The following ADAMTSL5 variants were observed in gnomAD, a reference collection of about 807,000 sequenced individuals.
The protein encoded by ADAMTSL5 is ADAMTS like 5.
In ADAMTSL5, 53 loss-of-function variants were observed where a neutral mutation model predicts 51.7. The ratio of observed to expected loss-of-function variants is 1.03; its 90% CI spans 0.82 to 1.29. The LOEUF (loss-of-function observed/expected upper bound fraction) is 1.29. ADAMTSL5 is among the 50% of genes most tolerant of loss of function. The pLI is 0.00. For missense variants in ADAMTSL5, 770 were observed against 676.2 expected, an observed-to-expected ratio of 1.14 and a Z score of -1.54; for synonymous variants, 285 against 278.7, an observed-to-expected ratio of 1.02 and a Z score of -0.23.
rs539140569 is a variant in ADAMTSL5 at position 1,506,447 on chromosome 19, C to T, written c.1115-131G>A. 78 of 1,448,384 alleles carry T rather than the reference C, an allele frequency of 5.4e-5. No individual in the cohort carries two copies. The African/African-American group carries it at 8.1e-4, about 15-fold the overall frequency. 89.7% of individuals were successfully genotyped at this position (1,448,384 alleles called of 1,614,324 possible). A position where few individuals can be genotyped will look rare whatever the true frequency, so the allele number is the denominator to read the frequency against. On this transcript the variant is annotated intron_variant, in intron 11 of 11. Transcript: ENST00000330475. The surrounding 1 kb of genome is among the most constrained non-coding windows in gnomAD (Gnocchi z 5.6). ...TCTATAGGGACTAGAGTCAGGATCACGTCAGGGATCAATGAGGGATTAGGG... is the reference window on the plus strand; with the variant it reads ...TCTATAGGGACTAGAGTCAGGATCATGTCAGGGATCAATGAGGGATTAGGG...
At chr19:1,509,091 TACA>T (rs1913116071) in intron 5 of ADAMTSL5, 1 of 151,262 alleles carries the variant, frequency 6.6e-6, no homozygotes, top group South Asian at 2.1e-4. Flanking sequence ...CTACCAAAAA[TACA>T]ACAATAAAAA....
At chr19:1,509,678 GGGAA>G (rs1361659374) in intron 5 of ADAMTSL5, among the ~76,000 whole-genome samples, 1 of 151,686 alleles carries the variant, frequency 6.6e-6, no homozygotes, top group African/African-American at 2.4e-5. Context: ...AGGGAAGGAA[GGGAA>G]GGAAGAAAGG....
chr19:1,510,021 T>A, intron 5 of ADAMTSL5, 129 bp downstream of exon 5: 1 of 726,438 alleles, frequency 1.4e-6, no homozygotes. Context: ...TTTCACTAAC[T>A]CCTACATATC....
Position 1,505,373 on chromosome 19 carries a change from A to AC in ADAMTSL5, c.*641_*642insG. ...ACAGAGCAAGGGTCTACCTCAGAAA[A>AC]AAAAAAAAAGGAGGAGCAAGCACGT... On this transcript the variant is annotated 3_prime_UTR_variant, in exon 12 of 12. Coordinates refer to ENST00000330475, the MANE Select transcript of ADAMTSL5 (RefSeq NM_213604.3). The AC allele has an allele frequency of 6.6e-6, 1 of 151,818 alleles. No individual in the cohort carries two copies. Among genetic ancestry groups the AC allele is most frequent in the East Asian group, 1.9e-4 (1 of 5,156 alleles). The allele number at this position is 151,818 out of a possible 1,614,324, so 9.4% of individuals were successfully genotyped here. A position where few individuals can be genotyped will look rare whatever the true frequency, so the allele number is the denominator to read the frequency against.
intron 1 of ADAMTSL5, among the ~76,000 whole-genome samples, chr19:1,512,361 A>T (rs1240722819): frequency 6.6e-6 from 1 of 152,172 alleles, no homozygotes; most frequent in Non-Finnish European, 1.5e-5. Context: ...AGGAAGCAGG[A>T]AGAAGTCTGC....
rs1599289764 is a variant in ADAMTSL5 at position 1,510,493 on chromosome 19, T to C, written c.192-65A>G. 3 of 1,528,536 alleles carry C rather than the reference T, an allele frequency of 2.0e-6. No homozygotes were observed. In the Admixed American group the frequency reaches 5.9e-5, roughly 30 times the overall value. The allele number at this position is 1,528,536 out of a possible 1,614,324, so 94.7% of individuals were successfully genotyped here. On this transcript the variant is annotated intron_variant, in intron 3 of 11. Transcript: ENST00000330475. ...CCCTCCCAGGGCTGGCCTTCCACCC[T>C]CCGCCCCCGCCAACCCCACCCGCAT...
chr19:1,507,998 C>T lies in ADAMTSL5; in HGVS notation c.601G>A (p.Gly201Ser), dbSNP rs746183656. The change falls in exon 7 of 12, where the codon GGT becomes AGT. Residue 201 changes from glycine (G) to serine (S), a missense_variant and splice_region_variant. Gly to Ser is a moderately conservative substitution (Grantham distance 56). Transcript: ENST00000330475. The stretch of plus-strand genomic sequence containing the variant: ...CAGGGAGGGCGGGGCAGGTAGTCAC[C>T]GGCGTCACGAAACACGCGCTGCACG... ...LFVQRVFRDA[G>S]AFAGYWNVTL... The T allele has an allele frequency of 1.4e-5, 23 of 1,590,718 alleles. No homozygotes were observed. The highest frequency in any genetic ancestry group is 8.6e-7 in the Non-Finnish European group (1 of 1,169,422).
chr19:1,506,174 C>A lies in ADAMTSL5; in HGVS notation c.1257G>T (p.Met419Ile). ...VWAPGHCPCP[M>I]LAPHRDYLMA... ...TCAGGTAGTCCCGGTGGGGTGCCAG[C>A]ATCGGGCAGGGGCAGTGGCCTGGCG... Residue 419 changes from methionine (M) to isoleucine (I), a missense_variant, in exon 12 of 12, where the codon ATG (methionine) becomes ATT (isoleucine). Coordinates refer to ENST00000330475, the MANE Select transcript of ADAMTSL5 (RefSeq NM_213604.3). This position sits in a 1 kb window ranked among gnomAD's most constrained non-coding sequence, Gnocchi z 5.6. The A allele has an allele frequency of 6.2e-7, 1 of 1,609,258 alleles. No individual in the cohort carries two copies. The highest frequency in any genetic ancestry group is 8.5e-7 in the Non-Finnish European group (1 of 1,177,672).
rs1254482520 is a variant in ADAMTSL5, at chr19:1,505,750, T to C, written c.*265A>G. Reference sequence around the variant, plus strand: ...TAAACTTTCTGAGTATAAATAGCTATGAGCTTCCTGGCAGCCAAGGAGAGA... The same window carrying C: ...TAAACTTTCTGAGTATAAATAGCTACGAGCTTCCTGGCAGCCAAGGAGAGA... On this transcript the variant is annotated 3_prime_UTR_variant, in exon 12 of 12. Coordinates refer to ENST00000330475, the MANE Select transcript of ADAMTSL5 (RefSeq NM_213604.3). 2.3e-6 allele frequency: 1 copy of C among 435,456 alleles called. No homozygotes were observed. Among genetic ancestry groups the C allele is most frequent in the African/African-American group, 2.1e-5 (1 of 48,622 alleles). 27.0% of individuals were successfully genotyped at this position (435,456 alleles called of 1,614,324 possible).
chr19:1,508,578 C>T lies in ADAMTSL5; in HGVS notation c.362-8G>A, dbSNP rs1349398644. 2.0e-6 allele frequency: 3 copies of T among 1,529,734 alleles called. No homozygotes were observed. Among genetic ancestry groups the T allele is most frequent in the South Asian group, 1.2e-5 (1 of 82,898 alleles). The allele number at this position is 1,529,734 out of a possible 1,614,324, so 94.8% of individuals were successfully genotyped here. A position where few individuals can be genotyped will look rare whatever the true frequency, so the allele number is the denominator to read the frequency against. Reference sequence around the variant, plus strand: ...GGTCGCACTGGTTGGGCGCTGAGGGCAGGAGGAGTCGGTGGGCCGGGGACC... The same window carrying T: ...GGTCGCACTGGTTGGGCGCTGAGGGTAGGAGGAGTCGGTGGGCCGGGGACC... On this transcript the variant is annotated splice_region_variant and splice_polypyrimidine_tract_variant and intron_variant, in intron 5 of 11. Transcript: ENST00000330475.
chr19:1,508,577 G>A lies in ADAMTSL5; in HGVS notation c.362-7C>T, dbSNP rs772995488. 47 of 1,535,126 alleles carry A rather than the reference G, an allele frequency of 3.1e-5. No individual in the cohort carries two copies. The highest frequency in any genetic ancestry group is 3.8e-5 in the Non-Finnish European group (43 of 1,146,528). ...AGGTCGCACTGGTTGGGCGCTGAGG[G>A]CAGGAGGAGTCGGTGGGCCGGGGAC... On this transcript the variant is annotated splice_region_variant and splice_polypyrimidine_tract_variant and intron_variant, in intron 5 of 11. Transcript: ENST00000330475.
chr19:1,507,959 C>T (rs767438001), intron 7 of ADAMTSL5, 39 bp downstream of exon 7: 2 of 1,551,854 alleles, frequency 1.3e-6, no homozygotes, highest in South Asian at 1.2e-5. Flanking sequence ...AAAGGGCCCA[C>T]TCTGACGTGT....
In ADAMTSL5 at chr19:1,506,134, G is replaced by C. The variant is rs1486225120; in HGVS notation, c.1297C>G (p.Leu433Val). 6.2e-7 allele frequency: 1 copy of C among 1,608,196 alleles called. No homozygotes were observed. The highest frequency in any genetic ancestry group is 1.3e-5 in the African/African-American group (1 of 74,876). ...HRDYLMAVQR[L>V]VSPDGTQDQL... is the part of the protein sequence containing the mutation. ...TCCTGTGTGCCGTCGGGGCTGACAAGACGCTGGACAGCCATCAGGTAGTCC... is the reference window on the plus strand; with the variant it reads ...TCCTGTGTGCCGTCGGGGCTGACAACACGCTGGACAGCCATCAGGTAGTCC... Residue 433 changes from leucine to valine, a missense_variant, in exon 12 of 12, where the codon CTT becomes GTT. By Grantham distance (32) the Leu-to-Val change is conservative. Coordinates refer to ENST00000330475, the MANE Select transcript of ADAMTSL5 (RefSeq NM_213604.3). This position sits in a 1 kb window ranked among gnomAD's most constrained non-coding sequence, Gnocchi z 5.6.
chr19:1,507,107 C>G, intron 9 of ADAMTSL5, 135 bp downstream of exon 9: 1 of 1,163,414 alleles, frequency 8.6e-7, no homozygotes, highest in Non-Finnish European at 1.2e-6. Context: ...CTCTGATGCT[C>G]TGTCCCAGCC....
At position 1,508,433 on chromosome 19, in the gene ADAMTSL5, G is replaced by C. The variant is rs1197024200; in HGVS notation, c.489+10C>G. ...GGGCGGGGCTCGGGCGGGGCCTGACGAGTCCTTACAAGGCAGCGGCCAGCC... is the reference window on the plus strand; with the variant it reads ...GGGCGGGGCTCGGGCGGGGCCTGACCAGTCCTTACAAGGCAGCGGCCAGCC... On this transcript the variant is annotated intron_variant, in intron 6 of 11. Coordinates refer to ENST00000330475, the MANE Select transcript of ADAMTSL5 (RefSeq NM_213604.3). The C allele has an allele frequency of 6.5e-7, 1 of 1,537,362 alleles. No individual in the cohort carries two copies. The highest frequency in any genetic ancestry group is 8.7e-7 in the Non-Finnish European group (1 of 1,147,092).
rs545226983 is a variant in ADAMTSL5 at position 1,507,164 on chromosome 19, A to T, written c.852+78T>A. 5 of 1,295,636 alleles carry T rather than the reference A, an allele frequency of 3.9e-6. No homozygotes were observed. In the African/African-American group the frequency reaches 1.2e-4, roughly 31 times the overall value. 80.3% of individuals were successfully genotyped at this position (1,295,636 alleles called of 1,614,324 possible). A position where few individuals can be genotyped will look rare whatever the true frequency, so the allele number is the denominator to read the frequency against. Reference sequence around the variant, plus strand: ...CCCCCTTCTGGCCCCAGTCACCTCCACTCCTACCCTCTGTCCCCAGCCTCT... The same window carrying T: ...CCCCCTTCTGGCCCCAGTCACCTCCTCTCCTACCCTCTGTCCCCAGCCTCT... On this transcript the variant is annotated intron_variant, in intron 9 of 11. Coordinates refer to ENST00000330475, the MANE Select transcript of ADAMTSL5 (RefSeq NM_213604.3).
At position 1,508,037 on chromosome 19, in the gene ADAMTSL5, C is replaced by T; in HGVS notation, c.562G>A (p.Asp188Asn). ...ACGCGCTGCACGAAAAGGCACGAGT[C>T]GTTGGCGCCTCCGCAGCGGCCACAG... Reference protein sequence around the residue: ...DRCGRCGGANDSCLFVQRVFR... With the variant: ...DRCGRCGGANNSCLFVQRVFR... Residue 188 changes from aspartate to asparagine, a missense_variant, in exon 7 of 12, where the codon GAC becomes AAC. Asp to Asn is a conservative substitution (Grantham distance 23). Coordinates refer to ENST00000330475, the MANE Select transcript of ADAMTSL5 (RefSeq NM_213604.3). The T allele has an allele frequency of 6.2e-7, 1 of 1,608,658 alleles. No homozygotes were observed. Among genetic ancestry groups the T allele is most frequent in the Non-Finnish European group, 8.5e-7 (1 of 1,178,298 alleles).
chr19:1,506,674 C>A lies in ADAMTSL5; in HGVS notation c.1043-13G>T. The A allele has an allele frequency of 6.3e-7, 1 of 1,595,838 alleles. No homozygotes were observed. Among genetic ancestry groups the A allele is most frequent in the Non-Finnish European group, 8.5e-7 (1 of 1,172,548 alleles). On this transcript the variant is annotated splice_polypyrimidine_tract_variant and intron_variant, in intron 10 of 11. Coordinates refer to ENST00000330475, the MANE Select transcript of ADAMTSL5 (RefSeq NM_213604.3). This position sits in a 1 kb window ranked among gnomAD's most constrained non-coding sequence, Gnocchi z 5.6. ...GGTGGGCAGGGGTCTGTGGGATGGG[C>A]GGTGCTGTGAGGGGCACAGGCCTCA...
In ADAMTSL5 at chr19:1,507,983, G is replaced by A. The variant is rs757403844; in HGVS notation, c.601+15C>T. 8 of 1,576,714 alleles carry A rather than the reference G, an allele frequency of 5.1e-6. No individual in the cohort carries two copies. Among genetic ancestry groups the A allele is most frequent in the East Asian group, 4.6e-5 (2 of 43,024 alleles). The stretch of plus-strand genomic sequence containing the variant: ...ACTCTGACGTGTGTGCAGGGAGGGC[G>A]GGGCAGGTAGTCACCGGCGTCACGA... On this transcript the variant is annotated intron_variant, in intron 7 of 11. Coordinates refer to ENST00000330475, the MANE Select transcript of ADAMTSL5 (RefSeq NM_213604.3).
Sources: gnomAD v4.1 joint callset for allele counts (sites outside exome capture counted in the v4.1 genomes callset) on GRCh38, gnomAD v4.1.1 for gene constraint, Gnocchi (gnomAD v3.1) non-coding constraint, MANE v1.5 for transcripts, NCBI Gene and HGNC (gene_info 2026-07-23, HGNC 2026-07-21) for gene names.